Variants in MAPRE3 observed in about 807,000 individuals in gnomAD.
MAPRE3 encodes the protein microtubule associated protein RP/EB family member 3.
MAPRE3 carries 2 observed loss-of-function variants against 30.5 expected under a neutral mutation model. The ratio of observed to expected loss-of-function variants is 0.07; its 90% CI spans 0.03 to 0.21. The LOEUF is 0.21. Among genes scored for constraint, MAPRE3 ranks in the 10% least tolerant of loss-of-function variants. The pLI, the probability that MAPRE3 is intolerant of heterozygous loss-of-function variation, is 1.00. For missense variants in MAPRE3, 204 were observed against 351.8 expected (o/e 0.58, Z 3.36); for synonymous variants, 110 against 127.7 (o/e 0.86, Z 0.93).
At chr2:27,017,349 A>T (rs1667012872) in intron 1 of MAPRE3, among the ~76,000 whole-genome samples, 1 of 152,236 alleles carries the variant, frequency 6.6e-6, no homozygotes, top group African/African-American at 2.4e-5. Context: ...CAGAAGCCCC[A>T]TAGTGGGTAA....
In MAPRE3 at chr2:27,023,358, A is replaced by G. The variant is rs1454339408; in HGVS notation, c.148A>G (p.Met50Val). ...GGCAGCCTACTGCCAGTTCATGGACATGCTCTTCCCCGGCTGTGTGCACTT... is the reference window on the plus strand; with the variant it reads ...GGCAGCCTACTGCCAGTTCATGGACGTGCTCTTCCCCGGCTGTGTGCACTT... Reference protein sequence around the residue: ...SGAAYCQFMDMLFPGCVHLRK... With the variant: ...SGAAYCQFMDVLFPGCVHLRK... The change falls in exon 3 of 7, where the codon ATG (methionine) becomes GTG (valine). Residue 50 changes from methionine (M) to valine (V), a missense_variant. Coordinates refer to ENST00000233121, the MANE Select transcript of MAPRE3 (RefSeq NM_012326.4). 2.1e-5 allele frequency: 34 copies of G among 1,608,298 alleles called. No homozygotes were observed. Among genetic ancestry groups the G allele is most frequent in the Non-Finnish European group, 2.8e-5 (33 of 1,174,950 alleles).
At chr2:26,999,003 G>C (rs1339841434) in intron 1 of MAPRE3, among the ~76,000 whole-genome samples, 1 of 152,196 alleles carries the variant, frequency 6.6e-6, no homozygotes, top group Non-Finnish European at 1.5e-5. Flanking sequence ...TGGGACATGA[G>C]CTTGGCCTTG....
At chr2:26,980,543 A>G (rs796502574) in intron 1 of MAPRE3, among the ~76,000 whole-genome samples, 6 of 152,302 alleles carry the variant, frequency 3.9e-5, no homozygotes, top group African/African-American at 1.4e-4. Context: ...ATCCCATCAT[A>G]TTGATACCAG....
chr2:26,990,136 T>C (rs1666304924), intron 1 of MAPRE3, among the ~76,000 whole-genome samples: 2 of 152,176 alleles, frequency 1.3e-5, no homozygotes, highest in Admixed American at 6.5e-5. Context: ...CCTGAACCAT[T>C]GCCCTCCAGC....
At chr2:27,006,284 G>A (rs1666726385) in intron 1 of MAPRE3, among the ~76,000 whole-genome samples, 1 of 152,366 alleles carries the variant, frequency 6.6e-6, no homozygotes, top group South Asian at 2.1e-4. Flanking sequence ...ATTGGGTGAA[G>A]AGAGACTTAG....
chr2:26,991,818 G>T (rs1322825776), intron 1 of MAPRE3, among the ~76,000 whole-genome samples: 1 of 152,110 alleles, frequency 6.6e-6, no homozygotes, highest in Non-Finnish European at 1.5e-5. Context: ...GATGTAAATG[G>T]GTAACAACTG....
At chr2:27,007,856 T>C (rs1186423008) in intron 1 of MAPRE3, among the ~76,000 whole-genome samples, 1 of 152,262 alleles carries the variant, frequency 6.6e-6, no homozygotes, top group East Asian at 1.9e-4. Flanking sequence ...AAAGAAGTAT[T>C]TGATTCTACT....
At chr2:26,989,193 C>T (rs536685678) in intron 1 of MAPRE3, among the ~76,000 whole-genome samples, 8 of 152,208 alleles carry the variant, frequency 5.3e-5, no homozygotes, top group African/African-American at 1.4e-4. Context: ...TCTTGGCACT[C>T]GAAGAAGAAA....
At chr2:26,988,707 G>A (rs1030924807) in intron 1 of MAPRE3, among the ~76,000 whole-genome samples, 4 of 152,188 alleles carry the variant, frequency 2.6e-5, no homozygotes, top group Admixed American at 2.6e-4. Flanking sequence ...CACCAGGAAA[G>A]CCAGCGAAAA....
Position 26,982,317 on chromosome 2 carries a change from G to A in MAPRE3, c.-8+11515G>A, listed in dbSNP as rs563396068. 7.2e-5 allele frequency among the ~76,000 whole-genome samples: 11 copies of A among 152,350 alleles called. No individual in the cohort carries two copies. In the South Asian group the frequency reaches 2.3e-3, roughly 32 times the overall value. On this transcript the variant is annotated intron_variant, in intron 1 of 6. Transcript: ENST00000233121. ...CAGCTCACCATGCAAAGCAGCCACAGGGGCTGATAGCAGGGGACTTAACTA... is the reference window on the plus strand; with the variant it reads ...CAGCTCACCATGCAAAGCAGCCACAAGGGCTGATAGCAGGGGACTTAACTA...
At chr2:27,001,039 A>G (rs925251086) in intron 1 of MAPRE3, among the ~76,000 whole-genome samples, 1 of 152,270 alleles carries the variant, frequency 6.6e-6, no homozygotes, top group African/African-American at 2.4e-5. Flanking sequence ...TAACCGTACC[A>G]TCAGACAGAA....
chr2:26,995,829 G>GTGTGTGTGTGTGTGTA lies in MAPRE3; in HGVS notation c.-8+25028_-8+25029insGTGTGTGTGTGTGTAT, dbSNP rs1335864863. Among the ~76,000 whole-genome samples, 104 of 147,104 alleles carry GTGTGTGTGTGTGTGTA rather than the reference G, an allele frequency of 7.1e-4. 1 individual carries two copies. The highest frequency in any genetic ancestry group is 2.7e-3 in the African/African-American group (102 of 38,308). On this transcript the variant is annotated intron_variant, in intron 1 of 6. Coordinates refer to ENST00000233121, the MANE Select transcript of MAPRE3 (RefSeq NM_012326.4). ...TGTGTGTGTGTGTGTGTGTGTGTGT[G>GTGTGTGTGTGTGTGTA]TATGTGTGTGTGTTTTGGAAAAGCT... is the stretch of plus-strand genomic sequence containing the variant.
At chr2:26,987,337 G>A (rs6547355) in intron 1 of MAPRE3, among the ~76,000 whole-genome samples, 85,410 of 151,982 alleles carry the variant, frequency 0.56, 24,651 homozygotes, top group East Asian at 0.76. Context: ...AAATATTTAT[G>A]CCTGTTTTGA....
In MAPRE3 at chr2:26,981,418, C is replaced by T. The variant is rs1666110522; in HGVS notation, c.-8+10616C>T. Among the ~76,000 whole-genome samples, 4 of 152,054 alleles carry T rather than the reference C, an allele frequency of 2.6e-5. No homozygotes were observed. In the South Asian group the frequency reaches 8.3e-4, roughly 32 times the overall value. On this transcript the variant is annotated intron_variant, in intron 1 of 6. Coordinates refer to ENST00000233121, the MANE Select transcript of MAPRE3 (RefSeq NM_012326.4). ...CCAGAATGAGGAGGCAGAGGAATTA[C>T]AGGGGCCAGTGGGAACGGAAAACAG...
chr2:26,987,843 T>C (rs1354256525), intron 1 of MAPRE3, among the ~76,000 whole-genome samples: 1 of 152,188 alleles, frequency 6.6e-6, no homozygotes, highest in Non-Finnish European at 1.5e-5. Context: ...CCTACATGCT[T>C]GTGAAACACT....
chr2:26,998,149 C>CT (rs1558377893), intron 1 of MAPRE3, among the ~76,000 whole-genome samples: 4 of 152,322 alleles, frequency 2.6e-5, no homozygotes, highest in Non-Finnish European at 4.4e-5. Context: ...GTTTTACAAA[C>CT]GCTGTGGTCA....
At chr2:27,025,529 G>T (rs1163627202) in intron 4 of MAPRE3, 54 bp from the exon 5 acceptor site, 1 of 1,510,824 alleles carries the variant, frequency 6.6e-7, no homozygotes, top group African/African-American at 1.4e-5. Flanking sequence ...GCTGTCTCCT[G>T]CCACGTGCGC....
chr2:27,011,860 A>AAG (rs1329234076), intron 1 of MAPRE3: 10 of 147,640 alleles, frequency 6.8e-5, no homozygotes, highest in East Asian at 2.0e-4. Flanking sequence ...AAAAAAAAAA[A>AAG]AAAAGAAAGA....
At chr2:27,022,176 C>T (rs1191135908) in intron 1 of MAPRE3, 36 bp from the exon 2 acceptor site, 1 of 1,607,500 alleles carries the variant, frequency 6.2e-7, no homozygotes, top group Non-Finnish European at 8.5e-7. Context: ...TACATGAGGC[C>T]CCAGTGCTGA....
Sources: gnomAD v4.1 joint callset for allele counts (sites outside exome capture counted in the v4.1 genomes callset) on GRCh38, gnomAD v4.1.1 for gene constraint, MANE v1.5 for transcripts, NCBI Gene and HGNC (gene_info 2026-07-23, HGNC 2026-07-21) for gene names.